AKAP13: variants seen among roughly 807,000 people sequenced by gnomAD.
AKAP13 encodes the protein A-kinase anchoring protein 13.
Under a neutral mutation model 264.5 loss-of-function variants are expected in AKAP13, and 80 were observed. The observed-to-expected ratio is 0.30, with a 90% CI of 0.25 to 0.36. The LOEUF (loss-of-function observed/expected upper bound fraction) is 0.36, where lower values mean the gene tolerates loss of function less well. AKAP13 is among the 10% of genes least tolerant of loss of function. The probability of loss-of-function intolerance (pLI) is 1.00; values close to 1 mark genes in which losing one functional copy is unlikely to be tolerated. For synonymous variants in AKAP13, 1,380 were observed against 1,250.2 expected, an observed-to-expected ratio of 1.10 and a Z score of -2.19; for missense variants, 3,712 against 3,435.2, an observed-to-expected ratio of 1.08 and a Z score of -2.01.
intron 7 of AKAP13, among the ~76,000 whole-genome samples, chr15:85,584,334 A>G (rs2079247986): frequency 6.6e-6 from 1 of 152,180 alleles, no homozygotes; most frequent in Non-Finnish European, 1.5e-5. Flanking sequence ...AAGTGTGAGT[A>G]ATCACTGTTT....
chr15:85,554,152 C>T (rs1235922399), intron 5 of AKAP13, among the ~76,000 whole-genome samples: 9 of 152,186 alleles, frequency 5.9e-5, no homozygotes, highest in African/African-American at 1.9e-4. Context: ...CAGCAGGCAT[C>T]CATCTCTTTG....
rs374739907 is a variant in AKAP13, at chr15:85,734,977, T to A, written c.7283-15T>A. 17 of 1,610,522 alleles carry A rather than the reference T, an allele frequency of 1.1e-5. No homozygotes were observed. The highest frequency in any genetic ancestry group is 1.4e-5 in the Non-Finnish European group (16 of 1,178,710). Reference sequence around the variant, plus strand: ...AAAGATAAGATGTCAGCTTTGCATGTTTCCTTTATTCCAGTGGAGATCCTT... The same window carrying A: ...AAAGATAAGATGTCAGCTTTGCATGATTCCTTTATTCCAGTGGAGATCCTT... On this transcript the variant is annotated splice_polypyrimidine_tract_variant and intron_variant, in intron 30 of 36. Coordinates refer to ENST00000394518, the MANE Select transcript of AKAP13 (RefSeq NM_007200.5).
At chr15:85,542,679 C>T (rs2077613444) in intron 4 of AKAP13, among the ~76,000 whole-genome samples, 1 of 152,194 alleles carries the variant, frequency 6.6e-6, no homozygotes, top group South Asian at 2.1e-4. Flanking sequence ...CTATATGTGG[C>T]ATCCCTGCAA....
At chr15:85,744,124 C>T in intron 36 of AKAP13, 1 of 400,052 alleles carries the variant, frequency 2.5e-6, no homozygotes, top group Non-Finnish European at 4.5e-6. Flanking sequence ...CCTTGCCTTT[C>T]TGGGCCTAGA....
intron 16 of AKAP13, chr15:85,691,705 C>A: frequency 2.3e-6 from 1 of 430,176 alleles, no homozygotes; most frequent in Non-Finnish European, 4.7e-6. Flanking sequence ...TGCTGGTGTC[C>A]CCTGTGCTTT....
intron 1 of AKAP13, among the ~76,000 whole-genome samples, chr15:85,464,217 G>A (rs934239563): frequency 6.6e-6 from 1 of 152,054 alleles, no homozygotes; most frequent in Non-Finnish European, 1.5e-5. Context: ...CCCTGTCCCT[G>A]TTGTGCCTGT....
Position 85,741,406 on chromosome 15 carries a change from G to A in AKAP13, c.7969G>A (p.Ala2657Thr). ...GTATGACCTGGAGCGACTGCGTGCT[G>A]CCCAGAAACAGCTTGAGAGGGAACA... The part of the protein sequence containing the change: ...YQYDLERLRA[A>T]QKQLEREQEQ... The change falls in exon 35 of 37, where the codon GCC becomes ACC. Residue 2657 changes from alanine (A) to threonine (T), a missense_variant. This residue lies in a region of AKAP13 where 611 missense variants were observed against 539.3 expected (regional missense o/e 1.13). Transcript: ENST00000394518. 6.2e-7 allele frequency: 1 copy of A among 1,613,584 alleles called. No homozygotes were observed. The highest frequency in any genetic ancestry group is 8.5e-7 in the Non-Finnish European group (1 of 1,179,650).
At chr15:85,682,822 C>T (rs2151606232) in intron 15 of AKAP13, among the ~76,000 whole-genome samples, 1 of 152,302 alleles carries the variant, frequency 6.6e-6, no homozygotes, top group East Asian at 1.9e-4. Context: ...CATGCGCCAC[C>T]ATGCCCAGCT....
intron 2 of AKAP13, among the ~76,000 whole-genome samples, chr15:85,499,478 G>A (rs185844503): frequency 9.9e-4 from 150 of 152,274 alleles, no homozygotes; most frequent in African/African-American, 3.5e-3. Flanking sequence ...TTTTTGGACA[G>A]CATAAATGAA....
In AKAP13 at chr15:85,693,325, A is replaced by G; in HGVS notation, c.5338A>G (p.Lys1780Glu). 6.2e-7 allele frequency: 1 copy of G among 1,609,832 alleles called. No individual in the cohort carries two copies. The highest frequency in any genetic ancestry group is 8.5e-7 in the Non-Finnish European group (1 of 1,179,084). ...GATTAAGGAGAAGGAGAAAGATTCT[A>G]AAGACAAGGAGAAAGATAAGAAGAC... is the stretch of plus-strand genomic sequence containing the variant. The part of the protein sequence containing the change: ...DKIKEKEKDS[K>E]DKEKDKKTVN... Residue 1780 changes from lysine to glutamate, a missense_variant, in exon 17 of 37, where the codon AAA becomes GAA. By Grantham distance (56) the Lys-to-Glu change is moderately conservative. This residue lies in a region of AKAP13 where 2,759 missense variants were observed against 2,411.7 expected (regional missense o/e 1.14). Coordinates refer to ENST00000394518, the MANE Select transcript of AKAP13 (RefSeq NM_007200.5).
intron 35 of AKAP13, among the ~76,000 whole-genome samples, chr15:85,743,090 C>G (rs1026863170): frequency 8.5e-5 from 13 of 152,166 alleles, no homozygotes; most frequent in Non-Finnish European, 1.9e-4. Flanking sequence ...CTAACCGGAA[C>G]AGGCTTCTAT....
chr15:85,410,198 T>A lies in AKAP13; in HGVS notation c.-12+29400T>A, dbSNP rs888974436. Among the ~76,000 whole-genome samples, 11 of 151,564 alleles carry A rather than the reference T, an allele frequency of 7.3e-5. 1 individual carries two copies. The highest frequency in any genetic ancestry group is 2.7e-4 in the African/African-American group (11 of 40,852). On this transcript the variant is annotated intron_variant, in intron 1 of 36. Coordinates refer to ENST00000394518, the MANE Select transcript of AKAP13 (RefSeq NM_007200.5). ...TCAGGTGTGGTTATTAGAATAAGCA[T>A]CATGACCATGACTTCCCCGGGCTGG...
intron 14 of AKAP13, among the ~76,000 whole-genome samples, chr15:85,675,820 A>T (rs1177774047): frequency 2.6e-5 from 4 of 152,306 alleles, no homozygotes; most frequent in Admixed American, 6.5e-5. Context: ...GGGAATTGGA[A>T]TCATTTACAT....
In AKAP13 at chr15:85,645,896, G is replaced by C. The variant is rs373476329; in HGVS notation, c.4316G>C (p.Ser1439Thr). The C allele has an allele frequency of 1.3e-5, 21 of 1,613,634 alleles. No individual in the cohort carries two copies. The highest frequency in any genetic ancestry group is 1.8e-5 in the Non-Finnish European group (21 of 1,179,946). ...KQGVLKRESGSDSDLFHSPSD... is the reference protein window; with the variant it reads ...KQGVLKRESGTDSDLFHSPSD... Reference sequence around the variant, plus strand: ...GGTGTACTTAAAAGAGAATCTGGGAGTGATTCTGACCTCTTTCACTCACCC... The same window carrying C: ...GGTGTACTTAAAAGAGAATCTGGGACTGATTCTGACCTCTTTCACTCACCC... The change falls in exon 10 of 37, where the codon AGT (serine) becomes ACT (threonine). Residue 1439 changes from serine (S) to threonine (T), a missense_variant. Transcript: ENST00000394518.
intron 1 of AKAP13, among the ~76,000 whole-genome samples, chr15:85,388,373 A>G (rs558334231): frequency 6.6e-6 from 1 of 152,176 alleles, no homozygotes; most frequent in South Asian, 2.1e-4. Context: ...TTGCTGAACT[A>G]TCTAGGACCC....
At chr15:85,733,159 T>C (rs1168187336) in intron 30 of AKAP13, among the ~76,000 whole-genome samples, 1 of 152,192 alleles carries the variant, frequency 6.6e-6, no homozygotes, top group Admixed American at 6.5e-5. Flanking sequence ...TTCATGAGAG[T>C]AATAGTCCAT....
At chr15:85,506,065 G>A (rs1255971935) in intron 2 of AKAP13, among the ~76,000 whole-genome samples, 1 of 152,164 alleles carries the variant, frequency 6.6e-6, no homozygotes, top group East Asian at 1.9e-4. Context: ...AGACCGAGGA[G>A]GTGGGCGGAT....
At chr15:85,454,938 C>T (rs113192282) in intron 1 of AKAP13, among the ~76,000 whole-genome samples, 4 of 152,166 alleles carry the variant, frequency 2.6e-5, no homozygotes, top group East Asian at 1.9e-4. Context: ...GATTTTTAGG[C>T]ACCAAAAATC....
chr15:85,735,889 A>G (rs958269710), intron 32 of AKAP13, among the ~76,000 whole-genome samples: 1 of 152,186 alleles, frequency 6.6e-6, no homozygotes, highest in African/African-American at 2.4e-5. Flanking sequence ...CAGTTTCATT[A>G]GGTTTGTTTC....
Sources: allele counts gnomAD v4.1 joint callset (sites outside exome capture counted in the v4.1 genomes callset), GRCh38; gene constraint gnomAD v4.1.1; regional missense constraint gnomAD v4.1.1; transcripts MANE v1.5; gene names NCBI Gene and HGNC (gene_info 2026-07-23, HGNC 2026-07-21).